The following PRUNE2 variants were observed in gnomAD, a reference collection of about 807,000 sequenced individuals.
The protein encoded by PRUNE2 is prune homolog 2 with BCH domain.
A neutral mutation model predicts 252.0 loss-of-function variants in PRUNE2; 164 were observed. That is an observed-to-expected ratio of 0.65 (90% CI 0.57 to 0.74). The LOEUF is 0.74. Ranked by LOEUF, PRUNE2 falls within the 30% of genes least tolerant of loss-of-function variation. PRUNE2 has a pLI of 0.00. For synonymous variants in PRUNE2, 1,292 were observed against 1,350.2 expected (o/e 0.96, Z 0.94); for missense variants, 3,495 against 3,711.0 (o/e 0.94, Z 1.51).
rs374163125 is a variant in PRUNE2 at position 76,641,829 on chromosome 9, GT to G, written c.8728+2909del. ...CAGGCATGAAAGGGATGTAACACAA[GT>G]TTGCTGGCCAGCAATGGAATGGAGA... On this transcript the variant is annotated intron_variant, in intron 12 of 18. Transcript: ENST00000376718. The G allele has an allele frequency of 2.5e-4, 258 of 1,024,662 alleles. 2 individuals carry two copies. The East Asian group carries it at 4.8e-3, about 19-fold the overall frequency. 63.5% of individuals were successfully genotyped at this position (1,024,662 alleles called of 1,614,324 possible). A position where few individuals can be genotyped will look rare whatever the true frequency, so the allele number is the denominator to read the frequency against.
rs182183095 is a variant in PRUNE2, at chr9:76,680,147, A to G, written c.8276+23190T>C. On this transcript the variant is annotated intron_variant, in intron 9 of 18. Transcript: ENST00000376718. ...TCTAGAATACATAAAGAACTCCTGAAACCCAACAACAAAAATGTACATAAC... is the reference window on the plus strand; with the variant it reads ...TCTAGAATACATAAAGAACTCCTGAGACCCAACAACAAAAATGTACATAAC... Among the ~76,000 whole-genome samples, 5 of 152,338 alleles carry G rather than the reference A, an allele frequency of 3.3e-5. No homozygotes were observed. In the East Asian group the frequency reaches 7.7e-4, roughly 23 times the overall value.
chr9:76,891,135 G>A (rs563214137), intron 1 of PRUNE2, among the ~76,000 whole-genome samples: 22 of 152,298 alleles, frequency 1.4e-4, no homozygotes, highest in African/African-American at 5.1e-4. Context: ...TGCACTAAAC[G>A]AAAATTACTC....
intron 6 of PRUNE2, among the ~76,000 whole-genome samples, chr9:76,754,600 G>A (rs1381946172): frequency 1.3e-5 from 2 of 152,136 alleles, no homozygotes; most frequent in Non-Finnish European, 2.9e-5. Flanking sequence ...TTGTACACTT[G>A]CTTTGCATTT....
intron 10 of PRUNE2, among the ~76,000 whole-genome samples, chr9:76,653,636 G>A (rs115891426): frequency 3.3e-3 from 507 of 152,182 alleles, no homozygotes; most frequent in African/African-American, 0.011. Context: ...TGGAATGTAC[G>A]TTAAGAACTT....
intron 9 of PRUNE2, among the ~76,000 whole-genome samples, chr9:76,696,783 AG>A (rs2045429866): frequency 6.6e-6 from 1 of 152,164 alleles, no homozygotes. Flanking sequence ...AAGAGGCGGG[AG>A]TGCCTCCCGC....
chr9:76,615,775 T>TG (rs1829247196), intron 18 of PRUNE2, among the ~76,000 whole-genome samples: 2 of 137,830 alleles, frequency 1.5e-5, no homozygotes, highest in Non-Finnish European at 3.1e-5. Context: ...TGTGGTTTTT[T>TG]TTTTTTTTTT....
chr9:76,905,788 C>G (rs762222935), intron 1 of PRUNE2, 140 bp downstream of exon 1: 3 of 1,087,310 alleles, frequency 2.8e-6, no homozygotes, highest in Non-Finnish European at 4.2e-6. Flanking sequence ...CCTGAGATTT[C>G]TTCCAGGAGA....
chr9:76,875,077 C>G (rs1209028137), intron 1 of PRUNE2, among the ~76,000 whole-genome samples: 1 of 152,120 alleles, frequency 6.6e-6, no homozygotes, highest in Non-Finnish European at 1.5e-5. Context: ...ACAGACAGCA[C>G]CTGTATTCCA....
At chr9:76,633,574 T>C (rs1278033050) in intron 15 of PRUNE2, among the ~76,000 whole-genome samples, 1 of 144,462 alleles carries the variant, frequency 6.9e-6, no homozygotes, top group East Asian at 2.0e-4. Context: ...CAGAGTGAGG[T>C]TGTCTCAAAA....
intron 12 of PRUNE2, chr9:76,642,001 T>TA (rs369258212): frequency 0.081 from 81,041 of 997,780 alleles, 597 homozygotes; most frequent in African/African-American, 0.18. Context: ...ATAAGAGAAG[T>TA]AAAAAAAAAA....
intron 6 of PRUNE2, among the ~76,000 whole-genome samples, chr9:76,722,453 A>C (rs909300341): frequency 6.6e-6 from 1 of 152,152 alleles, no homozygotes; most frequent in Admixed American, 6.5e-5. Flanking sequence ...ACTATATTAG[A>C]CATCACATTT....
At chr9:76,728,863 T>C (rs1012649302) in intron 6 of PRUNE2, among the ~76,000 whole-genome samples, 6 of 152,164 alleles carry the variant, frequency 3.9e-5, no homozygotes, top group African/African-American at 1.2e-4. Flanking sequence ...AGAAAATGTA[T>C]AAAACACTTA....
In PRUNE2 at chr9:76,706,257, C is replaced by A. The variant is rs367913161; in HGVS notation, c.6017G>T (p.Gly2006Val). 20 of 1,613,888 alleles carry A rather than the reference C, an allele frequency of 1.2e-5. No individual in the cohort carries two copies. The highest frequency in any genetic ancestry group is 1.7e-5 in the Non-Finnish European group (20 of 1,179,908). ...NQWEQEKSYL[G>V]EMTNSSIATE... is the part of the protein sequence containing the mutation. ...GGCAATGCTTGAATTTGTCATCTCACCTAGGTATGATTTTTCTTGTTCCCA... is the reference window on the plus strand; with the variant it reads ...GGCAATGCTTGAATTTGTCATCTCAACTAGGTATGATTTTTCTTGTTCCCA... Residue 2006 changes from glycine to valine, a missense_variant, in exon 8 of 19, where the codon GGT (glycine) becomes GTT (valine). Coordinates refer to ENST00000376718, the MANE Select transcript of PRUNE2 (RefSeq NM_015225.3).
intron 4 of PRUNE2, among the ~76,000 whole-genome samples, chr9:76,832,178 C>T (rs138483532): frequency 9.9e-4 from 150 of 152,166 alleles, no homozygotes; most frequent in African/African-American, 3.2e-3. Flanking sequence ...AAAATTTTAA[C>T]ACATCTCTCG....
chr9:76,690,012 C>A (rs2044539162), intron 9 of PRUNE2, among the ~76,000 whole-genome samples: 1 of 152,200 alleles, frequency 6.6e-6, no homozygotes, highest in African/African-American at 2.4e-5. Flanking sequence ...ACTCCAGCTT[C>A]TTCTCCAATG....
chr9:76,733,424 T>A (rs1317518974), intron 6 of PRUNE2, among the ~76,000 whole-genome samples: 2 of 151,894 alleles, frequency 1.3e-5, no homozygotes, highest in Non-Finnish European at 2.9e-5. Context: ...CATTCATCTA[T>A]TTGAGACAGG....
intron 1 of PRUNE2, chr9:76,862,864 C>G (rs1352760937): frequency 1.3e-5 from 2 of 152,184 alleles, no homozygotes; most frequent in African/African-American, 2.4e-5. Flanking sequence ...TAACAGCCCT[C>G]TAAGCATTCT....
chr9:76,735,863 A>C (rs894993205), intron 6 of PRUNE2, among the ~76,000 whole-genome samples: 5 of 152,198 alleles, frequency 3.3e-5, no homozygotes, highest in Non-Finnish European at 7.3e-5. Context: ...AATATTCCCA[A>C]TATCATACAT....
chr9:76,813,366 T>C (rs1418363749), intron 6 of PRUNE2, among the ~76,000 whole-genome samples: 1 of 152,212 alleles, frequency 6.6e-6, no homozygotes, highest in Non-Finnish European at 1.5e-5. Context: ...AAATATCTAC[T>C]ATCTGGCCCT....
Sources: allele counts gnomAD v4.1 joint callset (sites outside exome capture counted in the v4.1 genomes callset), GRCh38; gene constraint gnomAD v4.1.1; transcripts MANE v1.5; gene names NCBI Gene and HGNC (gene_info 2026-07-23, HGNC 2026-07-21).